The following AFMID variants were observed in gnomAD, a reference collection of about 807,000 sequenced individuals.
AFMID encodes the protein arylformamidase.
A neutral mutation model predicts 47.5 loss-of-function variants in AFMID; 39 were observed. The ratio of observed to expected loss-of-function variants is 0.82; its 90% CI spans 0.64 to 1.07. AFMID has a LOEUF of 1.07. Ranked by LOEUF, AFMID falls within the 50% of genes least tolerant of loss-of-function variation. The probability of loss-of-function intolerance (pLI) is 0.00; values close to 1 mark genes in which losing one functional copy is unlikely to be tolerated. For synonymous variants in AFMID, 130 were observed against 153.2 expected, an observed-to-expected ratio of 0.85 and a Z score of 1.12; for missense variants, 375 against 387.5, an observed-to-expected ratio of 0.97 and a Z score of 0.27.
At position 78,202,584 on chromosome 17, in the gene AFMID, C is replaced by T; in HGVS notation, c.240C>T (p.Phe80=). Reference sequence around the variant, plus strand: ...AAGGGGAGAAAGTGGACATTTACTTCCCCGACGAGTCGTCTGAAGGTTGTC... The same window carrying T: ...AAGGGGAGAAAGTGGACATTTACTTTCCCGACGAGTCGTCTGAAGGTTGTC... ...DGEGEKVDIY[F]PDESSEALPF... The change falls in exon 3 of 11, where the codon TTC becomes TTT. Residue 80 remains phenylalanine, a synonymous_variant. Coordinates refer to ENST00000409257, the MANE Select transcript of AFMID (RefSeq NM_001010982.5). 6.2e-7 allele frequency: 1 copy of T among 1,614,124 alleles called. No individual in the cohort carries two copies. The highest frequency in any genetic ancestry group is 1.3e-5 in the African/African-American group (1 of 75,060).
chr17:78,199,284 T>G (rs947405353), intron 2 of AFMID, among the ~76,000 whole-genome samples: 2 of 152,192 alleles, frequency 1.3e-5, no homozygotes, highest in Non-Finnish European at 2.9e-5. Context: ...TCGTACAAGC[T>G]CTCAGCCCCA....
At position 78,205,938 on chromosome 17, in the gene AFMID, C is replaced by T. The variant is rs772018181; in HGVS notation, c.781-8C>T. The stretch of plus-strand genomic sequence containing the variant: ...TCAGGCCCCTCTTCCCATGTCTCCC[C>T]TGCCCAGACCCTGTGTCAAGGAGAG... On this transcript the variant is annotated splice_region_variant and splice_polypyrimidine_tract_variant and intron_variant, in intron 9 of 10. Transcript: ENST00000409257. 5.6e-6 allele frequency: 9 copies of T among 1,613,776 alleles called. No individual in the cohort carries two copies. The East Asian group carries it at 2.0e-4, about 36-fold the overall frequency.
Position 78,191,383 on chromosome 17 carries a change from C to T in AFMID, c.154+323C>T, listed in dbSNP as rs562044265. 3.3e-5 allele frequency among the ~76,000 whole-genome samples: 5 copies of T among 152,198 alleles called. No homozygotes were observed. In the South Asian group the frequency reaches 8.3e-4, roughly 25 times the overall value. ...TAGGGAGGTGAAGTGAACAGAGGAA[C>T]GTTCCCCATCCGCTGCTGAATGTGG... On this transcript the variant is annotated intron_variant, in intron 2 of 10. Transcript: ENST00000409257.
At chr17:78,206,736 C>T (rs114080902) in intron 10 of AFMID, among the ~76,000 whole-genome samples, 175 bp from the exon 11 acceptor site, 1,833 of 150,334 alleles carry the variant, frequency 0.012, 39 homozygotes, top group African/African-American at 0.042. Flanking sequence ...TATTATACCT[C>T]TAACCAGACT....
intron 1 of AFMID, chr17:78,190,749 C>A (rs996702527): frequency 2.0e-6 from 1 of 498,572 alleles, no homozygotes. Context: ...TAACTGAATT[C>A]GTTTGGGGGA....
Position 78,198,678 on chromosome 17 carries a change from G to A in AFMID, c.155-3821G>A, listed in dbSNP as rs375910926. On this transcript the variant is annotated intron_variant, in intron 2 of 10. Coordinates refer to ENST00000409257, the MANE Select transcript of AFMID (RefSeq NM_001010982.5). ...AAAAAAATTAGACAGGTGTGGTGGC[G>A]CACACCTGTAATCCCAGCTGCTCAG... 1.2e-3 allele frequency among the ~76,000 whole-genome samples: 183 copies of A among 151,434 alleles called. 1 individual carries two copies. The highest frequency in any genetic ancestry group is 0.01 in the Middle Eastern group (3 of 288).
intron 2 of AFMID, among the ~76,000 whole-genome samples, chr17:78,193,250 A>G (rs1361393437): frequency 6.6e-6 from 1 of 151,870 alleles, no homozygotes; most frequent in Non-Finnish European, 1.5e-5. Flanking sequence ...GGGCGCCTCT[A>G]GTCCCAGCTA....
intron 4 of AFMID, 63 bp downstream of exon 4, chr17:78,202,814 C>T: frequency 6.5e-7 from 1 of 1,540,988 alleles, no homozygotes; most frequent in Non-Finnish European, 8.8e-7. Flanking sequence ...GGGGACTCCT[C>T]CTCCAGGGCT....
Position 78,201,742 on chromosome 17 carries a change from T to G in AFMID, c.155-757T>G, listed in dbSNP as rs142506487. Among the ~76,000 whole-genome samples, 1,426 of 152,240 alleles carry G rather than the reference T, an allele frequency of 9.4e-3. 22 individuals carry two copies. The highest frequency in any genetic ancestry group is 0.032 in the African/African-American group (1,340 of 41,554). On this transcript the variant is annotated intron_variant, in intron 2 of 10. Transcript: ENST00000409257. ...ACAGACGTCAGGACTGGCAGTCTTT[T>G]TTTTTTGAGTTGGCGTCTCGCTCTG...
At chr17:78,202,833 C>G (rs964265743) in intron 4 of AFMID, 82 bp downstream of exon 4, 1 of 1,482,508 alleles carries the variant, frequency 6.7e-7, no homozygotes, top group Non-Finnish European at 9.2e-7. Flanking sequence ...CTGCCGCAAC[C>G]AAACTGCCAC....
In AFMID at chr17:78,187,402, G is replaced by T. The variant is rs779878281; in HGVS notation, c.32G>T (p.Ser11Ile). The change falls in exon 1 of 11, where the codon AGC becomes ATC. Residue 11 changes from serine (S) to isoleucine (I), a missense_variant. Coordinates refer to ENST00000409257, the MANE Select transcript of AFMID (RefSeq NM_001010982.5). The stretch of plus-strand genomic sequence containing the variant: ...GATGTGTCTGGTGTGGGTTTCCCAA[G>T]CAAGGTTCCTTGGAAGAAGATGTCT... MMDVSGVGFP[S>I]KVPWKKMSAE... The T allele has an allele frequency of 8.7e-6, 14 of 1,613,880 alleles. No individual in the cohort carries two copies. Among genetic ancestry groups the T allele is most frequent in the Non-Finnish European group, 1.2e-5 (14 of 1,180,000 alleles).
At chr17:78,205,920 C>T (rs1341798821) in intron 9 of AFMID, 26 bp from the exon 10 acceptor site, 1 of 1,611,662 alleles carries the variant, frequency 6.2e-7, no homozygotes, top group Admixed American at 1.7e-5. Context: ...TGCTCAGGCC[C>T]CTCTTCCCAT....
chr17:78,198,228 C>A (rs957131285), intron 2 of AFMID, among the ~76,000 whole-genome samples: 6 of 151,692 alleles, frequency 4.0e-5, no homozygotes, highest in African/African-American at 1.2e-4. Context: ...AACCGTGTCT[C>A]AAAAATAAAA....
In AFMID at chr17:78,206,966, G is replaced by T. The variant is rs201786645; in HGVS notation, c.*29G>T. The T allele has an allele frequency of 6.2e-7, 1 of 1,612,666 alleles. No homozygotes were observed. Among genetic ancestry groups the T allele is most frequent in the Middle Eastern group, 1.7e-4 (1 of 6,060 alleles). ...TGACGATACTTGGAGCCTGGTCCACGTGCATCCCACCTTGGGAAGCCTCTC... is the reference window on the plus strand; with the variant it reads ...TGACGATACTTGGAGCCTGGTCCACTTGCATCCCACCTTGGGAAGCCTCTC... On this transcript the variant is annotated 3_prime_UTR_variant, in exon 11 of 11. Coordinates refer to ENST00000409257, the MANE Select transcript of AFMID (RefSeq NM_001010982.5).
Position 78,202,506 on chromosome 17 carries a change from A to C in AFMID, c.162A>C (p.Thr54=). ...TYSQIGIEAT[T]RARATRKSLL... ...TGTCCATTTCTGAGACAGCCACCAC[A>C]AGGGCCCGGGCCACCAGGAAGAGCC... The change falls in exon 3 of 11, where the codon ACA becomes ACC. Residue 54 remains threonine (T), a synonymous_variant. Coordinates refer to ENST00000409257, the MANE Select transcript of AFMID (RefSeq NM_001010982.5). The C allele has an allele frequency of 6.2e-7, 1 of 1,614,026 alleles. No homozygotes were observed. The highest frequency in any genetic ancestry group is 1.7e-5 in the Admixed American group (1 of 60,010).
At chr17:78,189,219 C>CTTTTT (rs770863206) in intron 1 of AFMID, among the ~76,000 whole-genome samples, 35 of 122,718 alleles carry the variant, frequency 2.9e-4, no homozygotes, top group East Asian at 1.2e-3. Flanking sequence ...TTCCTTGTTA[C>CTTTTT]TTTTTTTTTT....
rs8074970 is a variant in AFMID, at chr17:78,201,606, G to A, written c.155-893G>A. On this transcript the variant is annotated intron_variant, in intron 2 of 10. Transcript: ENST00000409257. Reference sequence around the variant, plus strand: ...TGAATAGCCACTGTACTCCAGCCTGGGCAATATAGTGAGACCCTGTCCTTT... The same window carrying A: ...TGAATAGCCACTGTACTCCAGCCTGAGCAATATAGTGAGACCCTGTCCTTT... 4.2e-3 allele frequency among the ~76,000 whole-genome samples: 638 copies of A among 152,246 alleles called. 9 individuals carry two copies. Among genetic ancestry groups the A allele is most frequent in the African/African-American group, 0.015 (617 of 41,538 alleles).
At chr17:78,200,560 G>C (rs542113833) in intron 2 of AFMID, among the ~76,000 whole-genome samples, 1 of 152,100 alleles carries the variant, frequency 6.6e-6, no homozygotes, top group Non-Finnish European at 1.5e-5. Context: ...AGAGACAGAA[G>C]AGGGAGGGAC....
chr17:78,201,056 G>C (rs1032497359), intron 2 of AFMID, among the ~76,000 whole-genome samples: 1 of 151,870 alleles, frequency 6.6e-6, no homozygotes, highest in Admixed American at 6.6e-5. Flanking sequence ...GAGTGCAGTG[G>C]TGCAATCTCA....
Sources: allele counts gnomAD v4.1 joint callset (sites outside exome capture counted in the v4.1 genomes callset), GRCh38; gene constraint gnomAD v4.1.1; transcripts MANE v1.5; gene names NCBI Gene and HGNC (gene_info 2026-07-23, HGNC 2026-07-21).